Variants in PRKX observed in about 807,000 individuals in gnomAD.
PRKX encodes protein kinase cAMP-dependent X-linked catalytic subunit, also known as cAMP-dependent protein kinase catalytic subunit PRKX.
Under a neutral mutation model 22.0 loss-of-function variants are expected in PRKX, and 12 were observed. The ratio of observed to expected loss-of-function variants is 0.54; its 90% CI spans 0.35 to 0.88. The LOEUF (loss-of-function observed/expected upper bound fraction) is 0.88, where lower values mean the gene tolerates loss of function less well. Ranked by LOEUF, PRKX falls within the 40% of genes least tolerant of loss-of-function variation. The pLI is 0.01. For missense variants in PRKX, 217 were observed against 308.0 expected (o/e 0.70, Z 2.21); for synonymous variants, 134 against 137.7 (o/e 0.97, Z 0.19).
At chrX:3,657,531 C>T (rs1297928761) in intron 2 of PRKX, among the ~76,000 whole-genome samples, 2 of 112,336 alleles carry the variant, frequency 1.8e-5, no homozygotes, top group Non-Finnish European at 3.8e-5. Context: ...TTAATCCACA[C>T]CGTCTATGCT....
intron 4 of PRKX, among the ~76,000 whole-genome samples, chrX:3,638,556 G>T (rs1371953780): frequency 6.3e-5 from 7 of 111,581 alleles, no homozygotes; most frequent in Non-Finnish European, 9.4e-5. Flanking sequence ...TTAACCTTTT[G>T]GGTTTGCCTA....
At chrX:3,652,275 G>A (rs970428559) in intron 3 of PRKX, among the ~76,000 whole-genome samples, 9 of 110,810 alleles carry the variant, frequency 8.1e-5, no homozygotes, top group Non-Finnish European at 1.5e-4. Flanking sequence ...AAAATTAGCC[G>A]GGCGTGGTGG....
At chrX:3,688,206 G>A (rs182223908) in intron 1 of PRKX, among the ~76,000 whole-genome samples, 9,323 of 101,329 alleles carry the variant, frequency 0.092, 660 homozygotes, top group East Asian at 0.29. Flanking sequence ...AGCACTTTGG[G>A]AGGCCGAGGC....
At chrX:3,632,082 G>A (rs1277041330) in intron 4 of PRKX, among the ~76,000 whole-genome samples, 4 of 111,903 alleles carry the variant, frequency 3.6e-5, no homozygotes, top group South Asian at 3.7e-4. Context: ...GTGGGGGTGG[G>A]TTACATGAGG....
chrX:3,605,168 G>T lies in PRKX; in HGVS notation c.*3801C>A, dbSNP rs45536032. On this transcript the variant is annotated 3_prime_UTR_variant, in exon 9 of 9. Coordinates refer to ENST00000262848, the MANE Select transcript of PRKX (RefSeq NM_005044.5). ...TTAAGTTAGACTAATTAGAAGGCCT[G>T]CTTGCCTCCATCAGCAACAGAAAAA... The T allele has an allele frequency of 9.0e-6, 1 of 110,909 alleles. No homozygotes were observed. The allele number at this position is 110,909 out of a possible 1,213,427, so 9.1% of individuals were successfully genotyped here.
chrX:3,688,927 A>G (rs1928239362), intron 1 of PRKX, among the ~76,000 whole-genome samples: 1 of 110,385 alleles, frequency 9.1e-6, no homozygotes, highest in Non-Finnish European at 1.9e-5. Flanking sequence ...TTGCTTCTAT[A>G]TTGAGAAAGG....
intron 4 of PRKX, among the ~76,000 whole-genome samples, chrX:3,629,283 C>T (rs1040983136): frequency 4.5e-5 from 5 of 110,196 alleles, no homozygotes; most frequent in Non-Finnish European, 7.6e-5. Flanking sequence ...TCTGTTGCCC[C>T]CAGGCTGGAG....
intron 2 of PRKX, chrX:3,667,827 C>A (rs773294008): frequency 8.1e-5 from 9 of 110,943 alleles, no homozygotes; most frequent in African/African-American, 3.0e-4. Context: ...TCCCTCCTGC[C>A]CCGTAGTGAC....
chrX:3,636,014 G>A (rs191473265), intron 4 of PRKX, among the ~76,000 whole-genome samples: 1 of 112,290 alleles, frequency 8.9e-6, no homozygotes, highest in African/African-American at 3.2e-5. Context: ...GAGTGATTTT[G>A]TTCCAGAATG....
At position 3,612,249 on chromosome X, in the gene PRKX, G is replaced by A. The variant is rs1926312163; in HGVS notation, c.1028C>T (p.Thr343Ile). ...FETYPENDWD[T>I]AAPVPQKDLE... ...ATCCTTCTGCGGCACGGGCGCGGCTGTGTCCCAGTCATTCTCAGGGTAAGT... is the reference window on the plus strand; with the variant it reads ...ATCCTTCTGCGGCACGGGCGCGGCTATGTCCCAGTCATTCTCAGGGTAAGT... Residue 343 changes from threonine (T) to isoleucine (I), a missense_variant, in exon 8 of 9, where the codon ACA (threonine) becomes ATA (isoleucine). Physicochemically the swap from Thr to Ile is moderately conservative, Grantham distance 89. Transcript: ENST00000262848. 2 of 1,210,933 alleles carry A rather than the reference G, an allele frequency of 1.7e-6. No individual in the cohort carries two copies. The highest frequency in any genetic ancestry group is 2.2e-6 in the Non-Finnish European group (2 of 895,251).
chrX:3,637,805 T>A (rs1358375315), intron 4 of PRKX, among the ~76,000 whole-genome samples: 25 of 107,746 alleles, frequency 2.3e-4, no homozygotes, highest in African/African-American at 8.5e-4. Flanking sequence ...TCACCTCTGT[T>A]GCCCAGGCTG....
intron 4 of PRKX, among the ~76,000 whole-genome samples, chrX:3,629,322 C>G (rs769489916): frequency 3.8e-4 from 42 of 110,238 alleles, no homozygotes; most frequent in Non-Finnish European, 7.2e-4. Context: ...GCTCAGTGCA[C>G]TCAGCCTTCA....
intron 1 of PRKX, among the ~76,000 whole-genome samples, chrX:3,686,800 C>T (rs750458879): frequency 9.0e-5 from 10 of 111,419 alleles, no homozygotes; most frequent in African/African-American, 1.6e-4. Flanking sequence ...TCAGGTGATC[C>T]GCCCACCTCG....
At position 3,607,878 on chromosome X, in the gene PRKX, CTTTTTTTTTTTT is replaced by C. The variant is rs66607852; in HGVS notation, c.*1079_*1090del. On this transcript the variant is annotated 3_prime_UTR_variant, in exon 9 of 9. Transcript: ENST00000262848. ...TTCAAAAGCACAAAGCCATTGCCTT[CTTTTTTTTTTTT>C]TTTTTTTTTGGACAGGGTCTCACTC... 4.1e-5 allele frequency: 3 copies of C among 73,737 alleles called. No individual in the cohort carries two copies. Among genetic ancestry groups the C allele is most frequent in the South Asian group, 7.1e-4 (1 of 1,410 alleles). The allele number at this position is 73,737 out of a possible 1,213,427, so 6.1% of individuals were successfully genotyped here. A position where few individuals can be genotyped will look rare whatever the true frequency, so the allele number is the denominator to read the frequency against.
In PRKX at chrX:3,687,846, C is replaced by T. The variant is rs186250178; in HGVS notation, c.167-13080G>A. 2.8e-3 allele frequency among the ~76,000 whole-genome samples: 317 copies of T among 111,795 alleles called. 1 individual carries two copies. The highest frequency in any genetic ancestry group is 9.5e-3 in the African/African-American group (294 of 30,795). On this transcript the variant is annotated intron_variant, in intron 1 of 8. Transcript: ENST00000262848. ...AGAGGAGAGCGTCACAGTGGCTCCG[C>T]TGAGACACCAAGGACAGCATCGTGT...
chrX:3,618,410 G>A (rs1210453536), intron 6 of PRKX, among the ~76,000 whole-genome samples: 5 of 111,252 alleles, frequency 4.5e-5, no homozygotes, highest in Middle Eastern at 4.6e-3. Context: ...TTGAGCTCAG[G>A]AGCTCGAGAC....
In PRKX at chrX:3,713,552, G is replaced by C. The variant is rs1312289330; in HGVS notation, c.-299C>G. On this transcript the variant is annotated 5_prime_UTR_variant, in exon 1 of 9. Transcript: ENST00000262848. Reference sequence around the variant, plus strand: ...CGGGGGCCGCGGCCCGGGCTGGGGGGGGCGAGGCGGGGGCCCTGCGCATTC... The same window carrying C: ...CGGGGGCCGCGGCCCGGGCTGGGGGCGGCGAGGCGGGGGCCCTGCGCATTC... 1.1e-5 allele frequency: 2 copies of C among 187,420 alleles called. No homozygotes were observed. The highest frequency in any genetic ancestry group is 9.9e-6 in the Non-Finnish European group (1 of 101,398). 15.4% of individuals were successfully genotyped at this position (187,420 alleles called of 1,213,427 possible).
intron 4 of PRKX, 45 bp downstream of exon 4, chrX:3,641,807 G>T: frequency 2.4e-6 from 1 of 415,463 alleles, no homozygotes; most frequent in Non-Finnish European, 4.1e-6. Flanking sequence ...GGGGAAGGGG[G>T]TGCTGGCCTG....
intron 4 of PRKX, among the ~76,000 whole-genome samples, chrX:3,635,141 A>C (rs1235222587): frequency 1.8e-5 from 2 of 112,068 alleles, no homozygotes; most frequent in Non-Finnish European, 3.8e-5. Context: ...TCTCTACTTT[A>C]ATTTCAAATG....
Sources: gnomAD v4.1 joint callset for allele counts (sites outside exome capture counted in the v4.1 genomes callset) on GRCh38, gnomAD v4.1.1 for gene constraint, MANE v1.5 for transcripts, NCBI Gene and HGNC (gene_info 2026-07-23, HGNC 2026-07-21) for gene names.